FANCM: variants seen among roughly 807,000 people sequenced by gnomAD.
FANCM encodes the protein Fanconi anemia group M protein.
A neutral mutation model predicts 199.5 loss-of-function variants in FANCM; 140 were observed. The observed-to-expected ratio is 0.70, with a 90% confidence interval of 0.61 to 0.81. The LOEUF is 0.81. Ranked by LOEUF, FANCM falls within the 30% of genes least tolerant of loss-of-function variation. The probability of loss-of-function intolerance (pLI) is 0.00; values close to 1 mark genes in which losing one functional copy is unlikely to be tolerated. For synonymous variants in FANCM, 840 were observed against 836.8 expected, an observed-to-expected ratio of 1.00 and a Z score of -0.07; for missense variants, 2,410 against 2,421.4, an observed-to-expected ratio of 1.00 and a Z score of 0.10.
chr14:45,137,118 G>T lies in FANCM; in HGVS notation c.558G>T (p.Val186=). 6.2e-7 allele frequency: 1 copy of T among 1,613,522 alleles called. No individual in the cohort carries two copies. The highest frequency in any genetic ancestry group is 8.5e-7 in the Non-Finnish European group (1 of 1,179,568). ...AGGAAATATGGTGCAGTAAGAGAGT[G>T]CTTTTTCTTACACCTCAGGTCATGG... ...TRKEIWCSKR[V]LFLTPQVMVN... The change falls in exon 2 of 23, where the codon GTG becomes GTT. Residue 186 remains valine, a synonymous_variant. Coordinates refer to ENST00000267430, the MANE Select transcript of FANCM (RefSeq NM_020937.4).
chr14:45,175,314 A>C lies in FANCM; in HGVS notation c.2560A>C (p.Lys854Gln). ...HIKPTKIVSL[K>Q]KKVSKEIKKD... ...CAAACCTACTAAAATTGTTTCTTTA[A>C]AGAAAAAAGTGTCTAAAGAAATAAA... is the stretch of plus-strand genomic sequence containing the variant. Residue 854 changes from lysine to glutamine, a missense_variant, in exon 14 of 23, where the codon AAG (lysine) becomes CAG (glutamine). Coordinates refer to ENST00000267430, the MANE Select transcript of FANCM (RefSeq NM_020937.4). 6.4e-7 allele frequency: 1 copy of C among 1,568,728 alleles called. No individual in the cohort carries two copies. Among genetic ancestry groups the C allele is most frequent in the Non-Finnish European group, 8.6e-7 (1 of 1,159,104 alleles).
At position 45,200,875 on chromosome 14, in the gene FANCM, T is replaced by G. The variant is rs1890315270; in HGVS notation, c.*867T>G. 6.7e-6 allele frequency: 1 copy of G among 148,356 alleles called. No individual in the cohort carries two copies. Among genetic ancestry groups the G allele is most frequent in the South Asian group, 2.1e-4 (1 of 4,726 alleles). 9.2% of individuals were successfully genotyped at this position (148,356 alleles called of 1,614,324 possible). A position where few individuals can be genotyped will look rare whatever the true frequency, so the allele number is the denominator to read the frequency against. ...CAGGACTGTGAGTCAATTAAACATC[T>G]TTTCCTTATAAATTACCCAGTCGGG... On this transcript the variant is annotated 3_prime_UTR_variant, in exon 23 of 23. Coordinates refer to ENST00000267430, the MANE Select transcript of FANCM (RefSeq NM_020937.4).
chr14:45,152,063 C>T (rs1241821841), intron 5 of FANCM, among the ~76,000 whole-genome samples: 1 of 146,888 alleles, frequency 6.8e-6, no homozygotes, highest in Non-Finnish European at 1.5e-5. Context: ...GAATTTCGCT[C>T]TATTGCCCAA....
intron 14 of FANCM, among the ~76,000 whole-genome samples, chr14:45,180,489 C>G (rs548759393): frequency 2.0e-5 from 3 of 151,888 alleles, no homozygotes; most frequent in East Asian, 1.9e-4. Flanking sequence ...CTTTGTCACT[C>G]AGGCTAGATT....
Position 45,200,055 on chromosome 14 carries a change from A to G in FANCM, c.*47A>G, listed in dbSNP as rs1325843082. 3 of 1,326,248 alleles carry G rather than the reference A, an allele frequency of 2.3e-6. No homozygotes were observed. Among genetic ancestry groups the G allele is most frequent in the Non-Finnish European group, 3.2e-6 (3 of 929,740 alleles). The allele number at this position is 1,326,248 out of a possible 1,614,324, so 82.2% of individuals were successfully genotyped here. On this transcript the variant is annotated 3_prime_UTR_variant, in exon 23 of 23. Coordinates refer to ENST00000267430, the MANE Select transcript of FANCM (RefSeq NM_020937.4). ...TTTCAAAGACCTCTCACAATATTAA[A>G]TGCACTTCAATAATCATTGCTGTTT...
intron 19 of FANCM, 90 bp from the exon 20 acceptor site, chr14:45,188,712 T>TA: frequency 3.2e-6 from 3 of 933,808 alleles, no homozygotes; most frequent in Non-Finnish European, 5.0e-6. Flanking sequence ...AAACAAATAT[T>TA]AATGCAGATT....
At chr14:45,142,972 G>A (rs1886082265) in intron 3 of FANCM, among the ~76,000 whole-genome samples, 1 of 151,936 alleles carries the variant, frequency 6.6e-6, no homozygotes, top group Admixed American at 6.6e-5. Context: ...GTGGTTCTTG[G>A]CTTGCAACAA....
In FANCM at chr14:45,185,324, ATTAC is replaced by A; in HGVS notation, c.4626_4629del (p.Leu1543ThrfsTer3). The A allele has an allele frequency of 6.3e-7, 1 of 1,594,052 alleles. No individual in the cohort carries two copies. The highest frequency in any genetic ancestry group is 8.6e-7 in the Non-Finnish European group (1 of 1,165,514). ...AGTCAGAAAATGAACAAGATTCCTC[ATTAC>A]TTGACTTTTTAAATGATGAAACTCA... is the stretch of plus-strand genomic sequence containing the variant. On this transcript the variant is annotated frameshift_variant, in exon 18 of 23. Transcript: ENST00000267430. LOFTEE classifies it high-confidence loss of function.
chr14:45,142,102 A>T (rs757879845), intron 3 of FANCM, among the ~76,000 whole-genome samples: 3 of 152,090 alleles, frequency 2.0e-5, no homozygotes, highest in African/African-American at 7.3e-5. Flanking sequence ...GTCTTCCCCT[A>T]ATGTTAACGT....
intron 21 of FANCM, among the ~76,000 whole-genome samples, chr14:45,197,099 A>G (rs778408547): frequency 6.6e-6 from 1 of 152,196 alleles, no homozygotes; most frequent in Non-Finnish European, 1.5e-5. Flanking sequence ...AGCTTCAGGT[A>G]GAAGATTTCT....
At chr14:45,186,949 A>G (rs1333693493) in intron 18 of FANCM, among the ~76,000 whole-genome samples, 3 of 152,214 alleles carry the variant, frequency 2.0e-5, no homozygotes, top group Non-Finnish European at 2.9e-5. Context: ...GAGGTCCTCC[A>G]ATCAAGGAAT....
In FANCM at chr14:45,159,000, C is replaced by T. The variant is rs184210899; in HGVS notation, c.1397-96C>T. The T allele has an allele frequency of 1.7e-4, 129 of 759,370 alleles. No homozygotes were observed. In the Middle Eastern group the frequency reaches 4.2e-3, roughly 25 times the overall value. The allele number at this position is 759,370 out of a possible 1,614,324, so 47.0% of individuals were successfully genotyped here. A position where few individuals can be genotyped will look rare whatever the true frequency, so the allele number is the denominator to read the frequency against. On this transcript the variant is annotated intron_variant, in intron 8 of 22. Transcript: ENST00000267430. ...TTATTTTTTTGAAAGAATTATCATT[C>T]GTTAGCATTAACACTTTCAGGTTTG...
Position 45,188,822 on chromosome 14 carries a change from C to G in FANCM, c.4800C>G (p.Thr1600=), listed in dbSNP as rs754440493. ...IFSQIPEQDE[T]YLEDSFCVDE... ...TGTAGATTCCTGAACAAGATGAAAC[C>G]TATTTAGAGGATAGTTTTTGTGTTG... Residue 1600 remains threonine (T), a synonymous_variant, in exon 20 of 23, where the codon ACC becomes ACG. Transcript: ENST00000267430. The G allele has an allele frequency of 7.4e-6, 12 of 1,611,892 alleles. No individual in the cohort carries two copies. In the South Asian group the frequency reaches 1.2e-4, roughly 16 times the overall value.
intron 14 of FANCM, among the ~76,000 whole-genome samples, 186 bp downstream of exon 14, chr14:45,177,162 T>C (rs1242587573): frequency 1.3e-5 from 2 of 150,350 alleles, no homozygotes; most frequent in African/African-American, 2.5e-5. Context: ...CATATACTTA[T>C]GGCACGCATG....
At position 45,188,879 on chromosome 14, in the gene FANCM, T is replaced by A. The variant is rs1594814748; in HGVS notation, c.4857T>A (p.Ser1619Arg). 1 of 1,613,768 alleles carries A rather than the reference T, an allele frequency of 6.2e-7. No individual in the cohort carries two copies. The highest frequency in any genetic ancestry group is 1.7e-5 in the Admixed American group (1 of 60,002). The change falls in exon 20 of 23, where the codon AGT (serine) becomes AGA (arginine). Residue 1619 changes from serine (S) to arginine (R), a missense_variant. Ser to Arg is a moderately radical substitution (Grantham distance 110, BLOSUM62 -1). Transcript: ENST00000267430. ...DEEESCKGQS[S>R]EEEVCVDFNL... ...AGGAGTCTTGCAAAGGCCAATCAAG[T>A]GAAGAAGAAGTTTGTGTTGATTTTA...
At chr14:45,159,311 A>G (rs1342374865) in intron 9 of FANCM, 31 bp downstream of exon 9, 1 of 1,517,720 alleles carries the variant, frequency 6.6e-7, no homozygotes, top group Non-Finnish European at 9.1e-7. Context: ...TAAAAATAAA[A>G]ATAAGATTGA....
At chr14:45,188,096 T>G (rs1039006203) in intron 19 of FANCM, among the ~76,000 whole-genome samples, 1 of 152,192 alleles carries the variant, frequency 6.6e-6, no homozygotes, top group Non-Finnish European at 1.5e-5. Flanking sequence ...CCCAGCACTT[T>G]GGGAGGCCGA....
chr14:45,185,261 A>C lies in FANCM; in HGVS notation c.4560A>C (p.Glu1520Asp), dbSNP rs766432709. ...TAGATGATGAAGCAGAACTTTCTGA[A>C]GAAGATGCAGAATATGTTTCATCAG... ...KFLDDEAELSEEDAEYVSSDE... is the reference protein window; with the variant it reads ...KFLDDEAELSDEDAEYVSSDE... The change falls in exon 18 of 23, where the codon GAA becomes GAC. Residue 1520 changes from glutamate to aspartate, a missense_variant. Transcript: ENST00000267430. 6.2e-7 allele frequency: 1 copy of C among 1,604,438 alleles called. No individual in the cohort carries two copies. Among genetic ancestry groups the C allele is most frequent in the East Asian group, 2.2e-5 (1 of 44,684 alleles).
At chr14:45,168,390 CTT>C (rs1445142617) in intron 11 of FANCM, among the ~76,000 whole-genome samples, 1 of 151,924 alleles carries the variant, frequency 6.6e-6, no homozygotes, top group African/African-American at 2.4e-5. Flanking sequence ...AGCATCAAAA[CTT>C]GATTAGGTTG....
Sources: gnomAD v4.1 joint callset for allele counts (sites outside exome capture counted in the v4.1 genomes callset) on GRCh38, gnomAD v4.1.1 for gene constraint, MANE v1.5 for transcripts, NCBI Gene and HGNC (gene_info 2026-07-23, HGNC 2026-07-21) for gene names.